The following C1orf94 variants were observed in gnomAD, a reference collection of about 807,000 sequenced individuals.
C1orf94 encodes chromosome 1 open reading frame 94, also known as uncharacterized protein C1orf94.
In C1orf94, 45 loss-of-function variants were observed where a neutral mutation model predicts 53.6. The observed-to-expected ratio is 0.84, with a 90% CI of 0.66 to 1.08. The LOEUF is 1.08. Among genes scored for constraint, C1orf94 ranks in the 50% least tolerant of loss-of-function variants. The pLI, the probability that C1orf94 is intolerant of heterozygous loss-of-function variation, is 0.00. For synonymous variants in C1orf94, 304 were observed against 296.1 expected, an observed-to-expected ratio of 1.03 and a Z score of -0.27; for missense variants, 762 against 738.9, an observed-to-expected ratio of 1.03 and a Z score of -0.36.
At chr1:34,176,331 C>A (rs1256113161), upstream of C1orf94, among the ~76,000 whole-genome samples, 2 of 152,286 alleles carry the variant, frequency 1.3e-5, no homozygotes, top group Middle Eastern at 3.4e-3. Context: ...AGAAGCAACC[C>A]CCTGACTCTC....
chr1:34,212,011 CTG>C (rs1642897000), intron 5 of C1orf94, among the ~76,000 whole-genome samples, 197 bp from the exon 6 acceptor site: 2 of 152,048 alleles, frequency 1.3e-5, no homozygotes, highest in Admixed American at 1.3e-4. Context: ...GATGGGGAAA[CTG>C]AGGCTCAGAT....
intron 4 of C1orf94, among the ~76,000 whole-genome samples, chr1:34,202,648 T>C (rs1157083624): frequency 1.3e-5 from 2 of 152,222 alleles, no homozygotes; most frequent in African/African-American, 4.8e-5. Flanking sequence ...TCACAGTCCT[T>C]GTTTCCCACC....
chr1:34,183,827 G>T (rs1358008400), intron 1 of C1orf94, among the ~76,000 whole-genome samples: 1 of 150,836 alleles, frequency 6.6e-6, no homozygotes, highest in African/African-American at 2.4e-5. Flanking sequence ...TTGCACTCCA[G>T]TCTGGGTAAC....
chr1:34,210,329 G>A (rs74063921), intron 5 of C1orf94, among the ~76,000 whole-genome samples: 1,801 of 152,272 alleles, frequency 0.012, 39 homozygotes, highest in African/African-American at 0.041. Context: ...TGGTGCCTGC[G>A]CCCAGCATCA....
chr1:34,201,983 C>G, intron 3 of C1orf94, 101 bp from the exon 4 acceptor site: 2 of 1,206,358 alleles, frequency 1.7e-6, no homozygotes, highest in Non-Finnish European at 2.4e-6. Context: ...AGGACCTGAC[C>G]TGTGAGACTG....
chr1:34,177,802 G>A lies in C1orf94; in HGVS notation c.13G>A (p.Gly5Ser). The A allele has an allele frequency of 6.5e-7, 1 of 1,537,176 alleles. No individual in the cohort carries two copies. The highest frequency in any genetic ancestry group is 8.8e-7 in the Non-Finnish European group (1 of 1,136,268). Residue 5 changes from glycine to serine, a missense_variant, in exon 1 of 7, where the codon GGT becomes AGT. By Grantham distance (56) the Gly-to-Ser change is moderately conservative (BLOSUM62 0). Coordinates refer to ENST00000488417, the MANE Select transcript of C1orf94 (RefSeq NM_001134734.2). MRGG[G>S]GCVLALGGQR... ...CCCTTTCTGGTGAATGAGGGGTGGT[G>A]GTGGTTGTGTTCTAGCCCTGGGTGG...
At chr1:34,192,754 G>C (rs75293988) in intron 1 of C1orf94, among the ~76,000 whole-genome samples, 1 of 152,196 alleles carries the variant, frequency 6.6e-6, no homozygotes. Context: ...CACTGGAACC[G>C]AGGCCTGAGT....
At chr1:34,202,047 C>A in intron 3 of C1orf94, 37 bp from the exon 4 acceptor site, 1 of 1,601,540 alleles carries the variant, frequency 6.2e-7, no homozygotes, top group Admixed American at 1.7e-5. Flanking sequence ...TCCCTGCCTC[C>A]ATCACTGACC....
intron 1 of C1orf94, among the ~76,000 whole-genome samples, chr1:34,179,335 T>C (rs941268253): frequency 5.3e-5 from 8 of 152,254 alleles, no homozygotes; most frequent in South Asian, 2.1e-4. Context: ...CCTTCTCCCC[T>C]GCTCATTGCC....
chr1:34,194,214 G>A (rs1642543303), intron 1 of C1orf94, among the ~76,000 whole-genome samples: 1 of 152,218 alleles, frequency 6.6e-6, no homozygotes, highest in African/African-American at 2.4e-5. Context: ...TATGCTGTGA[G>A]CATTTCTCGA....
At chr1:34,181,799 T>C (rs747778254) in intron 1 of C1orf94, among the ~76,000 whole-genome samples, 1 of 152,148 alleles carries the variant, frequency 6.6e-6, no homozygotes, top group Non-Finnish European at 1.5e-5. Flanking sequence ...AGTCTGGGTG[T>C]CAAGGAAGGC....
chr1:34,193,025 G>A (rs1453440926), intron 1 of C1orf94, among the ~76,000 whole-genome samples: 2 of 152,166 alleles, frequency 1.3e-5, no homozygotes, highest in African/African-American at 4.8e-5. Flanking sequence ...GAATGTCCTA[G>A]CTCTGCAGGC....
In C1orf94 at chr1:34,177,141, A is replaced by T. The variant is rs1165090073; in HGVS notation, c.-649A>T. Among the ~76,000 whole-genome samples, 1 of 152,168 alleles carries T rather than the reference A, an allele frequency of 6.6e-6. No homozygotes were observed. On this transcript the variant is annotated 5_prime_UTR_variant, in exon 1 of 7. Transcript: ENST00000488417. Reference sequence around the variant, plus strand: ...GACTAAGGGCTGTGGGCCCATCCACACACGCCTCATCCCTTCTTTCCGGGG... The same window carrying T: ...GACTAAGGGCTGTGGGCCCATCCACTCACGCCTCATCCCTTCTTTCCGGGG...
chr1:34,189,094 G>A (rs1345659889), intron 1 of C1orf94, among the ~76,000 whole-genome samples: 3 of 151,940 alleles, frequency 2.0e-5, no homozygotes, highest in Non-Finnish European at 4.4e-5. Context: ...GCATAGGTGT[G>A]CATGTGTATG....
intron 1 of C1orf94, among the ~76,000 whole-genome samples, chr1:34,190,006 T>C (rs959274710): frequency 6.6e-6 from 1 of 152,130 alleles, no homozygotes; most frequent in African/African-American, 2.4e-5. Flanking sequence ...AGGGGAGATT[T>C]GGAAGTCACA....
chr1:34,187,748 C>T (rs539730940), intron 1 of C1orf94, among the ~76,000 whole-genome samples: 89 of 149,414 alleles, frequency 6.0e-4, no homozygotes, highest in African/African-American at 2.1e-3. Context: ...TGTCTCATTC[C>T]CCAGCTCACT....
intron 1 of C1orf94, among the ~76,000 whole-genome samples, chr1:34,193,736 A>G (rs1211416314): frequency 3.9e-5 from 6 of 152,258 alleles, no homozygotes; most frequent in Non-Finnish European, 7.3e-5. Context: ...GAACACATAT[A>G]TGGATGACTG....
chr1:34,188,693 C>G (rs1006585149), intron 1 of C1orf94, among the ~76,000 whole-genome samples: 1 of 152,174 alleles, frequency 6.6e-6, no homozygotes, highest in African/African-American at 2.4e-5. Context: ...TCACATTCAT[C>G]ATCTCACTTA....
At chr1:34,191,829 C>T (rs1642497413) in intron 1 of C1orf94, among the ~76,000 whole-genome samples, 1 of 152,156 alleles carries the variant, frequency 6.6e-6, no homozygotes, top group Admixed American at 6.5e-5. Context: ...AGCATGCTTG[C>T]TTAGTCATTA....
Sources: gnomAD v4.1 joint callset for allele counts (sites outside exome capture counted in the v4.1 genomes callset) on GRCh38, gnomAD v4.1.1 for gene constraint, MANE v1.5 for transcripts, NCBI Gene and HGNC (gene_info 2026-07-23, HGNC 2026-07-21) for gene names.